Variants in CEP128 observed in about 807,000 individuals in gnomAD.
CEP128 encodes centrosomal protein 128.
A neutral mutation model predicts 156.7 loss-of-function variants in CEP128; 132 were observed. The observed-to-expected ratio is 0.84, with a 90% confidence interval of 0.73 to 0.97. CEP128 has a LOEUF of 0.97. Among genes scored for constraint, CEP128 ranks in the 50% least tolerant of loss-of-function variants. CEP128 has a pLI of 0.00. For missense variants in CEP128, 1,252 were observed against 1,281.9 expected (o/e 0.98, Z 0.36); for synonymous variants, 469 against 448.9 (o/e 1.04, Z -0.57).
At chr14:80,760,582 A>G (rs558590028) in intron 17 of CEP128, among the ~76,000 whole-genome samples, 1 of 152,244 alleles carries the variant, frequency 6.6e-6, no homozygotes, top group East Asian at 1.9e-4. Context: ...TCACAATGTG[A>G]ATGCCATCAT....
intron 20 of CEP128, among the ~76,000 whole-genome samples, chr14:80,565,831 G>T (rs371140614): frequency 2.0e-5 from 3 of 152,258 alleles, no homozygotes; most frequent in African/African-American, 7.2e-5. Context: ...AAACTTATAG[G>T]TCTAAATAAT....
At chr14:80,891,777 A>AACCC in intron 8 of CEP128, among the ~76,000 whole-genome samples, 2 of 152,050 alleles carry the variant, frequency 1.3e-5, no homozygotes, top group Non-Finnish European at 2.9e-5. Flanking sequence ...TATATATTGC[A>AACCC]TGCCTGAATA....
chr14:80,838,374 T>G, intron 10 of CEP128, 96 bp from the exon 11 acceptor site: 2 of 803,016 alleles, frequency 2.5e-6, no homozygotes, highest in Non-Finnish European at 4.2e-6. Context: ...AGTGGAAAAG[T>G]TTTCAGAAGA....
At chr14:80,781,307 A>C (rs1901094523) in intron 15 of CEP128, among the ~76,000 whole-genome samples, 1 of 152,076 alleles carries the variant, frequency 6.6e-6, no homozygotes. Context: ...AAATACAAAA[A>C]TTAGCTGGGC....
intron 20 of CEP128, among the ~76,000 whole-genome samples, chr14:80,573,753 T>C (rs1308103997): frequency 1.3e-5 from 2 of 152,182 alleles, no homozygotes; most frequent in Non-Finnish European, 2.9e-5. Flanking sequence ...TAATGCGTTC[T>C]TTCTGGTGTA....
intron 14 of CEP128, among the ~76,000 whole-genome samples, chr14:80,787,864 C>A (rs1268809586): frequency 2.0e-5 from 3 of 152,082 alleles, no homozygotes; most frequent in Non-Finnish European, 4.4e-5. Flanking sequence ...AAAGATATTT[C>A]TTTTTCACAC....
intron 21 of CEP128, among the ~76,000 whole-genome samples, chr14:80,553,078 TC>T (rs1454132147): frequency 0.02 from 1,953 of 97,564 alleles, 38 homozygotes; most frequent in African/African-American, 0.096. Context: ...TTTCTTTCTT[TC>T]TTTCTTTTTT....
At chr14:80,553,335 T>C (rs1355918311) in intron 21 of CEP128, among the ~76,000 whole-genome samples, 2 of 152,162 alleles carry the variant, frequency 1.3e-5, no homozygotes, top group Non-Finnish European at 2.9e-5. Flanking sequence ...GTGAGAACAA[T>C]ACATTTTTGC....
intron 19 of CEP128, among the ~76,000 whole-genome samples, chr14:80,680,908 A>G (rs1221862043): frequency 6.6e-6 from 1 of 152,148 alleles, no homozygotes; most frequent in African/African-American, 2.4e-5. Flanking sequence ...ACCAGTGCTG[A>G]GCAGAGAGCT....
intron 19 of CEP128, among the ~76,000 whole-genome samples, chr14:80,720,738 T>C (rs1754916496): frequency 6.6e-6 from 1 of 152,198 alleles, no homozygotes; most frequent in South Asian, 2.1e-4. Context: ...CCTAGACAAC[T>C]TGGTCTAGGT....
At chr14:80,704,618 A>G (rs1271930668) in intron 19 of CEP128, among the ~76,000 whole-genome samples, 4 of 149,650 alleles carry the variant, frequency 2.7e-5, no homozygotes, top group Non-Finnish European at 4.5e-5. Context: ...AAAAAAATAC[A>G]GAACTACTTT....
At chr14:80,570,309 G>A (rs1223759711) in intron 20 of CEP128, among the ~76,000 whole-genome samples, 1 of 152,030 alleles carries the variant, frequency 6.6e-6, no homozygotes, top group Non-Finnish European at 1.5e-5. Context: ...GTAGAGATGA[G>A]GTTTTACCAT....
intron 19 of CEP128, among the ~76,000 whole-genome samples, chr14:80,714,531 C>T (rs1365829373): frequency 6.6e-6 from 1 of 152,150 alleles, no homozygotes; most frequent in Admixed American, 6.5e-5. Context: ...GAAGGCATGA[C>T]TGACACTGCA....
Position 80,670,312 on chromosome 14 carries a change from A to G in CEP128, c.2806+72763T>C, listed in dbSNP as rs540594934. Among the ~76,000 whole-genome samples the G allele has an allele frequency of 5.9e-5, 9 of 152,356 alleles. No homozygotes were observed. The East Asian group carries it at 1.7e-3, about 29-fold the overall frequency. ...AATTGCTGCACTATTCACAATAGCAAAGATGTGGATTCAACCTGTATCCAT... is the reference window on the plus strand; with the variant it reads ...AATTGCTGCACTATTCACAATAGCAGAGATGTGGATTCAACCTGTATCCAT... On this transcript the variant is annotated intron_variant, in intron 19 of 24. Coordinates refer to ENST00000555265, the MANE Select transcript of CEP128 (RefSeq NM_152446.5).
intron 13 of CEP128, among the ~76,000 whole-genome samples, chr14:80,814,792 C>T (rs1863380129): frequency 6.6e-6 from 1 of 152,210 alleles, no homozygotes. Context: ...GGCGCGGTGG[C>T]TCATGCCTGT....
chr14:80,921,697 C>T (rs1174876306), intron 2 of CEP128, among the ~76,000 whole-genome samples: 1 of 152,162 alleles, frequency 6.6e-6, no homozygotes, highest in East Asian at 1.9e-4. Flanking sequence ...GGCGCAGTGG[C>T]TCATGCCTGT....
At chr14:80,939,999 A>G (rs545721078) in intron 1 of CEP128, among the ~76,000 whole-genome samples, 2 of 152,328 alleles carry the variant, frequency 1.3e-5, no homozygotes, top group South Asian at 4.1e-4. Context: ...AATTAAATAA[A>G]TAAGAATAAA....
chr14:80,876,744 T>C lies in CEP128; in HGVS notation c.646-13871A>G, dbSNP rs80330196. Among the ~76,000 whole-genome samples the C allele has an allele frequency of 6.5e-3, 993 of 152,188 alleles. 10 individuals carry two copies. The highest frequency in any genetic ancestry group is 0.022 in the African/African-American group (934 of 41,524). On this transcript the variant is annotated intron_variant, in intron 8 of 24. Coordinates refer to ENST00000555265, the MANE Select transcript of CEP128 (RefSeq NM_152446.5). ...TATATCCAGTGAAAATTTTTCAACATAGAAAGTGAAAGAAATTTTCAGACA... is the reference window on the plus strand; with the variant it reads ...TATATCCAGTGAAAATTTTTCAACACAGAAAGTGAAAGAAATTTTCAGACA...
At chr14:80,772,569 CACTT>C (rs1377281515) in intron 16 of CEP128, among the ~76,000 whole-genome samples, 1 of 152,166 alleles carries the variant, frequency 6.6e-6, no homozygotes, top group East Asian at 1.9e-4. Flanking sequence ...AGCTGTTTAA[CACTT>C]AAGCCATCTG....
Sources: allele counts gnomAD v4.1 joint callset (sites outside exome capture counted in the v4.1 genomes callset), GRCh38; gene constraint gnomAD v4.1.1; transcripts MANE v1.5; gene names NCBI Gene and HGNC (gene_info 2026-07-23, HGNC 2026-07-21).